TECPR2: variants seen among roughly 807,000 people sequenced by gnomAD.
TECPR2 encodes the protein tectonin beta-propeller repeat containing 2.
In TECPR2, 65 loss-of-function variants were observed where a neutral mutation model predicts 138.1. That is an observed-to-expected ratio of 0.47 (90% CI 0.39 to 0.58). The LOEUF (loss-of-function observed/expected upper bound fraction) is 0.58. TECPR2 is among the 20% of genes least tolerant of loss of function. The pLI is 0.00. For missense variants in TECPR2, 1,553 were observed against 1,824.5 expected (o/e 0.85, Z 2.71); for synonymous variants, 746 against 749.8 (o/e 0.99, Z 0.08).
In TECPR2 at chr14:102,434,414, G is replaced by C; in HGVS notation, c.1597G>C (p.Glu533Gln). The change falls in exon 9 of 20, where the codon GAA becomes CAA. Residue 533 changes from glutamate to glutamine, a missense_variant. By Grantham distance (29) the Glu-to-Gln change is conservative. Coordinates refer to ENST00000359520, the MANE Select transcript of TECPR2 (RefSeq NM_014844.5). ...AGACCAGGAAAGCAGCTTCAATGGT[G>C]AAGTGAACGGTGTCCCACAGGAAAA... is the stretch of plus-strand genomic sequence containing the variant. ...SPDQESSFNG[E>Q]VNGVPQENTD... 6.5e-7 allele frequency: 1 copy of C among 1,528,870 alleles called. No individual in the cohort carries two copies. The highest frequency in any genetic ancestry group is 8.8e-7 in the Non-Finnish European group (1 of 1,139,356). The allele number at this position is 1,528,870 out of a possible 1,614,324, so 94.7% of individuals were successfully genotyped here. A position where few individuals can be genotyped will look rare whatever the true frequency, so the allele number is the denominator to read the frequency against.
At chr14:102,495,104 C>G (rs1349677401) in intron 17 of TECPR2, among the ~76,000 whole-genome samples, 1 of 152,192 alleles carries the variant, frequency 6.6e-6, no homozygotes, top group East Asian at 1.9e-4. Context: ...GTCCCAGATT[C>G]TTGGGAAGCT....
At chr14:102,489,314 A>G (rs1259687284) in intron 17 of TECPR2, among the ~76,000 whole-genome samples, 1 of 151,442 alleles carries the variant, frequency 6.6e-6, no homozygotes, top group African/African-American at 2.4e-5. Flanking sequence ...CCTCTTCTGG[A>G]TGTTTCATAG....
Position 102,452,462 on chromosome 14 carries a change from C to T in TECPR2, c.3475C>T (p.Arg1159Trp), listed in dbSNP as rs202087410. ...CGTCAGCGCCCAGAGCGCACAGTCG[C>T]GGCCCTCCACGGTGCAGCTGCCTCC... The part of the protein sequence containing the change: ...CSVSAQSAQS[R>W]PSTVQLPPEA... Residue 1159 changes from arginine (R) to tryptophan (W), a missense_variant, in exon 16 of 20, where the codon CGG (arginine) becomes TGG (tryptophan). Transcript: ENST00000359520. 1.5e-5 allele frequency: 25 copies of T among 1,613,710 alleles called. No individual in the cohort carries two copies. The highest frequency in any genetic ancestry group is 3.3e-4 in the Middle Eastern group (2 of 6,062).
intron 10 of TECPR2, 114 bp downstream of exon 10, chr14:102,438,319 A>G (rs906993398): frequency 7.6e-7 from 1 of 1,323,032 alleles, no homozygotes; most frequent in African/African-American, 1.5e-5. Flanking sequence ...CTCTGGGCTC[A>G]CGCTGCCGTG....
intron 10 of TECPR2, 125 bp downstream of exon 10, chr14:102,438,330 C>T: frequency 7.9e-7 from 1 of 1,262,834 alleles, no homozygotes; most frequent in South Asian, 1.6e-5. Context: ...CGCTGCCGTG[C>T]GTTCACCAGG....
At chr14:102,381,063 C>A (rs942721468) in intron 2 of TECPR2, among the ~76,000 whole-genome samples, 1 of 151,062 alleles carries the variant, frequency 6.6e-6, no homozygotes, top group Non-Finnish European at 1.5e-5. Context: ...TGGGTTCAAA[C>A]GATTCTCCTG....
chr14:102,368,701 T>C (rs1189792538), intron 1 of TECPR2, among the ~76,000 whole-genome samples: 1 of 152,176 alleles, frequency 6.6e-6, no homozygotes, highest in Non-Finnish European at 1.5e-5. Flanking sequence ...GTTTTTCATT[T>C]CAGTGAAGTC....
At position 102,415,371 on chromosome 14, in the gene TECPR2, T is replaced by C. The variant is rs10438240; in HGVS notation, c.638+578T>C. Among the ~76,000 whole-genome samples the C allele has an allele frequency of 6.6e-6, 1 of 152,186 alleles. No homozygotes were observed. Among genetic ancestry groups the C allele is most frequent in the Non-Finnish European group, 1.5e-5 (1 of 68,024 alleles). ...AGGTGAAGGGTCAGGGAAGACATCC[T>C]GAAGGCATGGGTTCCAGGTTGAGAG... On this transcript the variant is annotated intron_variant, in intron 5 of 19. Coordinates refer to ENST00000359520, the MANE Select transcript of TECPR2 (RefSeq NM_014844.5). This position sits in a 1 kb window ranked among gnomAD's most constrained non-coding sequence, Gnocchi z 4.3.
chr14:102,433,366 A>T (rs1016279666), intron 8 of TECPR2, among the ~76,000 whole-genome samples: 2 of 150,210 alleles, frequency 1.3e-5, no homozygotes, highest in Non-Finnish European at 1.5e-5. Context: ...ATGCGTGCTC[A>T]GTGTTTGGCT....
chr14:102,379,985 T>C (rs1172988344), intron 2 of TECPR2, among the ~76,000 whole-genome samples: 3 of 142,638 alleles, frequency 2.1e-5, no homozygotes, highest in African/African-American at 5.3e-5. Context: ...CACAGAGGCG[T>C]CCTAGTCACA....
chr14:102,449,966 A>C (rs1175148425), intron 14 of TECPR2, 97 bp downstream of exon 14: 1 of 1,535,200 alleles, frequency 6.5e-7, no homozygotes, highest in Non-Finnish European at 8.8e-7. Flanking sequence ...ACTTGAAAAG[A>C]TAATTTAGTG....
At chr14:102,495,913 AG>A (rs1854411638) in intron 17 of TECPR2, among the ~76,000 whole-genome samples, 1 of 152,308 alleles carries the variant, frequency 6.6e-6, no homozygotes, top group African/African-American at 2.4e-5. Flanking sequence ...AGGTGGAGGG[AG>A]GTCCCACTGC....
chr14:102,471,962 T>C (rs775512308), intron 17 of TECPR2, among the ~76,000 whole-genome samples: 20 of 152,256 alleles, frequency 1.3e-4, no homozygotes, highest in Non-Finnish European at 2.8e-4. Flanking sequence ...AATTATCACG[T>C]ACATGTGGAA....
At chr14:102,473,797 TTCTG>T (rs1890697198) in intron 17 of TECPR2, among the ~76,000 whole-genome samples, 1 of 152,192 alleles carries the variant, frequency 6.6e-6, no homozygotes, top group South Asian at 2.1e-4. Flanking sequence ...TTAGAGAATT[TTCTG>T]TCTGTGTTAG....
chr14:102,440,219 T>C (rs1889791962), intron 10 of TECPR2, among the ~76,000 whole-genome samples: 1 of 152,164 alleles, frequency 6.6e-6, no homozygotes, highest in South Asian at 2.1e-4. Context: ...AAAGTGAAGC[T>C]TGGAGACGGG....
At chr14:102,376,989 C>T (rs745707730) in intron 2 of TECPR2, 49 bp downstream of exon 2, 25 of 1,562,106 alleles carry the variant, frequency 1.6e-5, no homozygotes, top group Admixed American at 1.8e-5. Flanking sequence ...CCATAGCTGA[C>T]GCTTAACATG....
At chr14:102,403,352 T>C (rs1383322460) in intron 2 of TECPR2, among the ~76,000 whole-genome samples, 1 of 152,060 alleles carries the variant, frequency 6.6e-6, no homozygotes, top group Non-Finnish European at 1.5e-5. Flanking sequence ...GTAAAAACAC[T>C]CAACAAACTG....
At chr14:102,400,564 CTT>C (rs1888450902) in intron 2 of TECPR2, among the ~76,000 whole-genome samples, 1 of 152,026 alleles carries the variant, frequency 6.6e-6, no homozygotes, top group Non-Finnish European at 1.5e-5. Context: ...AGTGTTATAA[CTT>C]TAGGATGTTA....
intron 17 of TECPR2, among the ~76,000 whole-genome samples, chr14:102,468,111 G>T (rs1890586598): frequency 6.6e-6 from 1 of 151,802 alleles, no homozygotes; most frequent in Admixed American, 6.6e-5. Flanking sequence ...CTCCCAAAGT[G>T]CTTGGATTAC....
Sources: allele counts gnomAD v4.1 joint callset (sites outside exome capture counted in the v4.1 genomes callset), GRCh38; gene constraint gnomAD v4.1.1; non-coding constraint Gnocchi (gnomAD v3.1); transcripts MANE v1.5; gene names NCBI Gene and HGNC (gene_info 2026-07-23, HGNC 2026-07-21).